The following NUP210 variants were observed in gnomAD, a reference collection of about 807,000 sequenced individuals.
NUP210 encodes nuclear pore membrane glycoprotein 210.
In NUP210, 151 loss-of-function variants were observed where a neutral mutation model predicts 196.0. That is an observed-to-expected ratio of 0.77 (90% CI 0.67 to 0.88). NUP210 has a LOEUF of 0.88. Ranked by LOEUF, NUP210 falls within the 40% of genes least tolerant of loss-of-function variation. The probability of loss-of-function intolerance (pLI) is 0.00; values close to 1 mark genes in which losing one functional copy is unlikely to be tolerated. For missense variants in NUP210, 2,314 were observed against 2,493.7 expected (o/e 0.93, Z 1.53); for synonymous variants, 1,070 against 1,052.7 (o/e 1.02, Z -0.32).
In NUP210 at chr3:13,393,493, C is replaced by T. The variant is rs149727289; in HGVS notation, c.437-2186G>A. Among the ~76,000 whole-genome samples, 496 of 152,374 alleles carry T rather than the reference C, an allele frequency of 3.3e-3. 5 individuals carry two copies. The highest frequency in any genetic ancestry group is 0.012 in the African/African-American group (485 of 41,588). On this transcript the variant is annotated intron_variant, in intron 3 of 39. Coordinates refer to ENST00000254508, the MANE Select transcript of NUP210 (RefSeq NM_024923.4). ...TTACCTGCTCGGGCAGGTGCACACACAGGACCGAGTGCAGGATTTGCAGGG... is the reference window on the plus strand; with the variant it reads ...TTACCTGCTCGGGCAGGTGCACACATAGGACCGAGTGCAGGATTTGCAGGG...
intron 1 of NUP210, among the ~76,000 whole-genome samples, chr3:13,409,803 G>A (rs546536199): frequency 1.7e-4 from 26 of 150,884 alleles, no homozygotes; most frequent in Admixed American, 1.5e-3. Context: ...ACATCCACCT[G>A]AATCAGCCCC....
At position 13,354,089 on chromosome 3, in the gene NUP210, G is replaced by A. The variant is rs201758204; in HGVS notation, c.2347C>T (p.Arg783Cys). Residue 783 changes from arginine (R) to cysteine (C), a missense_variant, in exon 17 of 40, where the codon CGC (arginine) becomes TGC (cysteine). By Grantham distance (180) the Arg-to-Cys change is radical. Coordinates refer to ENST00000254508, the MANE Select transcript of NUP210 (RefSeq NM_024923.4). ...NKQVVPVSSH[R>C]NPRLDLAAYD... is the part of the protein sequence containing the mutation. ...GCAGCCAGGTCCAGCCGGGGGTTGC[G>A]GTGGCTGGACACTGGGACCTGCAGG... 4.1e-4 allele frequency: 646 copies of A among 1,594,676 alleles called. No homozygotes were observed. The highest frequency in any genetic ancestry group is 5.1e-4 in the Non-Finnish European group (597 of 1,171,016).
At position 13,348,995 on chromosome 3, in the gene NUP210, C is replaced by CA. The variant is rs1697864708; in HGVS notation, c.2835+2883dup. 3.9e-6 allele frequency: 3 copies of CA among 769,286 alleles called. No individual in the cohort carries two copies. Among genetic ancestry groups the CA allele is most frequent in the Non-Finnish European group, 4.7e-6 (3 of 632,300 alleles). 47.7% of individuals were successfully genotyped at this position (769,286 alleles called of 1,614,324 possible). A position where few individuals can be genotyped will look rare whatever the true frequency, so the allele number is the denominator to read the frequency against. ...CTCTTGCCTCACAGGCCCACACCCC[C>CA]ACACATCAAAAAACAGCCGGAGGTG... On this transcript the variant is annotated intron_variant, in intron 20 of 39. Coordinates refer to ENST00000254508, the MANE Select transcript of NUP210 (RefSeq NM_024923.4). The surrounding 1 kb of genome is among the most constrained non-coding windows in gnomAD (Gnocchi z 4.0).
At position 13,318,430 on chromosome 3, in the gene NUP210, A is replaced by AC. The variant is rs1226402293; in HGVS notation, c.5563+641dup. ...GGTCTTCTTTCAAAAAAATTCAGGG[A>AC]CCCCCCTGAAGCCGGTCCATGGGCC... On this transcript the variant is annotated intron_variant, in intron 39 of 39. Coordinates refer to ENST00000254508, the MANE Select transcript of NUP210 (RefSeq NM_024923.4). Among the ~76,000 whole-genome samples the AC allele has an allele frequency of 2.0e-5, 3 of 150,760 alleles. No individual in the cohort carries two copies. In the East Asian group the frequency reaches 5.9e-4, roughly 30 times the overall value.
intron 1 of NUP210, among the ~76,000 whole-genome samples, chr3:13,419,214 G>A (rs1016840758): frequency 5.9e-5 from 9 of 152,226 alleles, no homozygotes; most frequent in African/African-American, 1.9e-4. Flanking sequence ...AAGGGCGGAA[G>A]CCCATCTTTT....
chr3:13,396,970 G>C (rs1022467077), intron 3 of NUP210, among the ~76,000 whole-genome samples: 1 of 152,070 alleles, frequency 6.6e-6, no homozygotes, highest in Admixed American at 6.5e-5. Flanking sequence ...AGCCAGAGCA[G>C]GGAGCCTCTC....
In NUP210 at chr3:13,372,004, T is replaced by A. The variant is rs1219329739; in HGVS notation, c.1616A>T (p.Glu539Val). ...KVYVIEPHSM[E>V]FAPCQVEARV... The stretch of plus-strand genomic sequence containing the variant: ...TGCCTCCACCTGGCACGGGGCAAAC[T>A]CCATGCTGTGGGGCTCGATCACATA... Residue 539 changes from glutamate (E) to valine (V), a missense_variant, in exon 13 of 40, where the codon GAG becomes GTG. Coordinates refer to ENST00000254508, the MANE Select transcript of NUP210 (RefSeq NM_024923.4). 4 of 1,590,870 alleles carry A rather than the reference T, an allele frequency of 2.5e-6. No homozygotes were observed.
At chr3:13,383,773 C>T (rs958953707) in intron 6 of NUP210, among the ~76,000 whole-genome samples, 4 of 151,862 alleles carry the variant, frequency 2.6e-5, no homozygotes, top group Admixed American at 6.6e-5. Flanking sequence ...ATGATCCGCC[C>T]GCCTCGGCCT....
rs200377773 is a variant in NUP210, at chr3:13,373,780, T to C, written c.1525A>G (p.Ile509Val). 1.2e-6 allele frequency: 2 copies of C among 1,614,180 alleles called. No homozygotes were observed. Among genetic ancestry groups the C allele is most frequent in the East Asian group, 2.2e-5 (1 of 44,884 alleles). Residue 509 changes from isoleucine (I) to valine (V), a missense_variant, in exon 12 of 40, where the codon ATC becomes GTC. Physicochemically the swap from Ile to Val is conservative, Grantham distance 29. Transcript: ENST00000254508. ...TGTGCCTGGATCACACTGAACCCGA[T>C]GTCACTGCCTGTGGTCATCACGCCC... Reference protein sequence around the residue: ...VKGVMTTGSDIGFSVIQAHDV... With the variant: ...VKGVMTTGSDVGFSVIQAHDV...
At position 13,340,397 on chromosome 3, in the gene NUP210, A is replaced by G. The variant is rs1290469753; in HGVS notation, c.3229-99T>C. The G allele has an allele frequency of 9.6e-7, 1 of 1,043,442 alleles. No homozygotes were observed. Among genetic ancestry groups the G allele is most frequent in the Non-Finnish European group, 1.5e-6 (1 of 682,568 alleles). 64.6% of individuals were successfully genotyped at this position (1,043,442 alleles called of 1,614,324 possible). ...ATGTTTCATGAGAGGAAAACCTGGG[A>G]CATGGACATCACTTCTCTCTGAGCA... is the stretch of plus-strand genomic sequence containing the variant. On this transcript the variant is annotated intron_variant, in intron 23 of 39. Coordinates refer to ENST00000254508, the MANE Select transcript of NUP210 (RefSeq NM_024923.4). The surrounding 1 kb of genome is among the most constrained non-coding windows in gnomAD (Gnocchi z 4.0).
rs1559300219 is a variant in NUP210 at position 13,317,249 on chromosome 3, C to T, written c.*432G>A. The T allele has an allele frequency of 1.7e-5, 3 of 181,448 alleles. No homozygotes were observed. The highest frequency in any genetic ancestry group is 3.5e-5 in the Non-Finnish European group (3 of 85,624). The allele number at this position is 181,448 out of a possible 1,614,324, so 11.2% of individuals were successfully genotyped here. A position where few individuals can be genotyped will look rare whatever the true frequency, so the allele number is the denominator to read the frequency against. On this transcript the variant is annotated 3_prime_UTR_variant, in exon 40 of 40. Coordinates refer to ENST00000254508, the MANE Select transcript of NUP210 (RefSeq NM_024923.4). ...ACAGGGGGAAAAACCCCACCAAAAA[C>T]CCCCTAAAGTAACTGGACAATCCTT... is the stretch of plus-strand genomic sequence containing the variant.
intron 6 of NUP210, among the ~76,000 whole-genome samples, chr3:13,380,470 G>A (rs1286565401): frequency 6.6e-6 from 1 of 152,186 alleles, no homozygotes; most frequent in East Asian, 1.9e-4. Context: ...TTGGGGATAG[G>A]GGACTGAGGA....
intron 20 of NUP210, 39 bp from the exon 21 acceptor site, chr3:13,343,342 G>GGGGGGGGGGGGGGGGGGGGGGGGGT: frequency 5.3e-5 from 35 of 655,978 alleles, no homozygotes; most frequent in South Asian, 1.3e-4. Context: ...TGGGTGGTGG[G>GGGGGGGGGGGGGGGGGGGGGGGGGT]TTACGCAGCT....
intron 21 of NUP210, among the ~76,000 whole-genome samples, chr3:13,342,603 T>G (rs1157333492): frequency 2.0e-5 from 3 of 152,206 alleles, no homozygotes; most frequent in African/African-American, 7.2e-5. Flanking sequence ...CTAAGCCACA[T>G]GAACACTCCC....
intron 11 of NUP210, among the ~76,000 whole-genome samples, chr3:13,375,142 C>CTTTTTTTTTTTTTTTTTTTTTTT (rs76945178): frequency 7.2e-6 from 1 of 138,440 alleles, no homozygotes; most frequent in African/African-American, 2.7e-5. Context: ...TATTTTTTCT[C>CTTTTTTTTTTTTTTTTTTTTTTT]TTTTTTTTTT....
At chr3:13,386,957 C>A (rs1311038347) in intron 5 of NUP210, among the ~76,000 whole-genome samples, 1 of 152,238 alleles carries the variant, frequency 6.6e-6, no homozygotes, top group East Asian at 1.9e-4. Flanking sequence ...GGTGCCCTGT[C>A]TAGTGCACCC....
intron 31 of NUP210, among the ~76,000 whole-genome samples, chr3:13,327,997 G>T (rs1696844759): frequency 6.6e-6 from 1 of 152,200 alleles, no homozygotes; most frequent in South Asian, 2.1e-4. Context: ...TGGACTGCGT[G>T]GGGTGACAGT....
intron 6 of NUP210, among the ~76,000 whole-genome samples, chr3:13,384,622 A>G (rs1037579823): frequency 6.6e-6 from 1 of 152,226 alleles, no homozygotes; most frequent in Non-Finnish European, 1.5e-5. Context: ...ACTGCCCAAC[A>G]CTGAGGAAAT....
intron 36 of NUP210, among the ~76,000 whole-genome samples, chr3:13,320,870 C>T (rs1224778901): frequency 2.8e-5 from 4 of 144,842 alleles, no homozygotes; most frequent in Non-Finnish European, 6.0e-5. Flanking sequence ...CCAGCCTGGG[C>T]GACAGAGCAA....
Sources: gnomAD v4.1 joint callset for allele counts (sites outside exome capture counted in the v4.1 genomes callset) on GRCh38, gnomAD v4.1.1 for gene constraint, Gnocchi (gnomAD v3.1) non-coding constraint, MANE v1.5 for transcripts, NCBI Gene and HGNC (gene_info 2026-07-23, HGNC 2026-07-21) for gene names.